The following TSPAN18 variants were observed in gnomAD, a reference collection of about 807,000 sequenced individuals.
TSPAN18 encodes tetraspanin 18, also known as tetraspanin-18.
In TSPAN18, 14 loss-of-function variants were observed where a neutral mutation model predicts 27.3. The observed-to-expected ratio is 0.51, with a 90% CI of 0.34 to 0.80. The LOEUF is 0.80. TSPAN18 is among the 30% of genes least tolerant of loss of function. The pLI is 0.01. For synonymous variants in TSPAN18, 143 were observed against 136.5 expected (o/e 1.05, Z -0.33); for missense variants, 268 against 323.9 (o/e 0.83, Z 1.32).
intron 2 of TSPAN18, among the ~76,000 whole-genome samples, chr11:44,824,300 T>C (rs1279489255): frequency 3.3e-5 from 5 of 152,202 alleles, no homozygotes; most frequent in African/African-American, 1.2e-4. Flanking sequence ...TCATTTGTCT[T>C]GTTAATTTTT....
chr11:44,755,573 C>A (rs1011036033), intron 1 of TSPAN18, among the ~76,000 whole-genome samples: 1 of 152,082 alleles, frequency 6.6e-6, no homozygotes, highest in African/African-American at 2.4e-5. Flanking sequence ...CCTGAGCATG[C>A]CTTGGCTCTC....
chr11:44,865,867 T>C (rs187271286), intron 3 of TSPAN18, among the ~76,000 whole-genome samples: 12 of 152,258 alleles, frequency 7.9e-5, no homozygotes, highest in Admixed American at 4.6e-4. Flanking sequence ...CCCAGCACTG[T>C]TTGCTCTGAG....
intron 2 of TSPAN18, among the ~76,000 whole-genome samples, chr11:44,796,593 C>T (rs1377508305): frequency 1.2e-4 from 18 of 152,128 alleles, no homozygotes. Flanking sequence ...CCCAGCATGT[C>T]AAAGTAGGGA....
At chr11:44,806,157 C>A (rs1856589931) in intron 2 of TSPAN18, among the ~76,000 whole-genome samples, 1 of 151,482 alleles carries the variant, frequency 6.6e-6, no homozygotes, top group South Asian at 2.1e-4. Context: ...GCCTCAGCCT[C>A]CCAAGTAGCT....
chr11:44,744,409 G>A lies in TSPAN18; in HGVS notation c.-240+17122G>A, dbSNP rs186381209. ...TTGGTTTCAGATGAATGAGGTTACC[G>A]TCATGTTTCTGGCCTTCCCAGTGGT... On this transcript the variant is annotated intron_variant, in intron 1 of 9. Transcript: ENST00000520358. 1.6e-3 allele frequency among the ~76,000 whole-genome samples: 246 copies of A among 152,314 alleles called. 2 individuals are homozygous for A. The highest frequency in any genetic ancestry group is 5.6e-3 in the African/African-American group (234 of 41,570).
At chr11:44,734,696 C>T (rs1854745532) in intron 1 of TSPAN18, among the ~76,000 whole-genome samples, 1 of 152,182 alleles carries the variant, frequency 6.6e-6, no homozygotes, top group Admixed American at 6.5e-5. Context: ...AATTTGGAGC[C>T]CTGGGTCTTG....
intron 2 of TSPAN18, among the ~76,000 whole-genome samples, chr11:44,797,937 G>A (rs931303188): frequency 2.0e-5 from 3 of 152,178 alleles, no homozygotes; most frequent in Non-Finnish European, 4.4e-5. Context: ...GAGTCAAGAC[G>A]CTTGTTGGGT....
At chr11:44,742,298 TCCC>T in intron 1 of TSPAN18, among the ~76,000 whole-genome samples, 2 of 62,916 alleles carry the variant, frequency 3.2e-5, no homozygotes, top group Non-Finnish European at 6.1e-5. Context: ...CTTCCCTCCC[TCCC>T]TCCCTCCCTT....
rs571572293 is a variant in TSPAN18 at position 44,930,895 on chromosome 11, G to A, written c.*1717G>A. ...AGCTCATTCTGTCTCACAAGCCACC[G>A]GCATCCTGTATCAGCTTCCAGCCTC... On this transcript the variant is annotated 3_prime_UTR_variant, in exon 10 of 10. Transcript: ENST00000520358. 15 of 525,570 alleles carry A rather than the reference G, an allele frequency of 2.9e-5. No individual in the cohort carries two copies. Among genetic ancestry groups the A allele is most frequent in the Middle Eastern group, 3.2e-4 (1 of 3,134 alleles). 32.6% of individuals were successfully genotyped at this position (525,570 alleles called of 1,614,324 possible).
intron 8 of TSPAN18, 73 bp from the exon 9 acceptor site, chr11:44,926,596 CCCTAG>C: frequency 7.6e-7 from 1 of 1,322,150 alleles, no homozygotes; most frequent in Non-Finnish European, 1.1e-6. Context: ...CTGCCATGAA[CCCTAG>C]TCCACATGCT....
At chr11:44,904,885 G>A (rs1355173233) in intron 3 of TSPAN18, among the ~76,000 whole-genome samples, 1 of 152,176 alleles carries the variant, frequency 6.6e-6, no homozygotes, top group Non-Finnish European at 1.5e-5. Flanking sequence ...CCTACAAGCT[G>A]TGTGGCCTTG....
chr11:44,898,146 T>C (rs1263847680), intron 3 of TSPAN18, among the ~76,000 whole-genome samples: 1 of 152,202 alleles, frequency 6.6e-6, no homozygotes. Context: ...TTATGAAACA[T>C]GCATTCTAAT....
intron 3 of TSPAN18, chr11:44,903,218 GCT>G (rs1403983605): frequency 1.4e-4 from 51 of 359,814 alleles, no homozygotes; most frequent in Non-Finnish European, 2.6e-4. Flanking sequence ...ATCAGGGAAG[GCT>G]TCCTGGCGGA....
At chr11:44,726,430 A>G (rs1178901212), upstream of TSPAN18, 3 of 152,152 alleles carry the variant, frequency 2.0e-5, no homozygotes, top group Admixed American at 6.5e-5. Flanking sequence ...TTTGCATCTG[A>G]CCTGGGGTCA....
intron 9 of TSPAN18, among the ~76,000 whole-genome samples, chr11:44,928,450 C>G (rs573684500): frequency 8.0e-4 from 122 of 152,322 alleles, no homozygotes; most frequent in African/African-American, 2.6e-3. Context: ...GCTGGTGGCT[C>G]TGTGACCTCA....
intron 3 of TSPAN18, among the ~76,000 whole-genome samples, chr11:44,879,534 GA>G (rs1392881581): frequency 1.3e-5 from 2 of 152,248 alleles, no homozygotes; most frequent in African/African-American, 4.8e-5. Context: ...GAGCCATGTG[GA>G]ATATCTGGGG....
chr11:44,867,389 CTTT>C (rs71038824), intron 3 of TSPAN18, among the ~76,000 whole-genome samples: 3 of 60,410 alleles, frequency 5.0e-5, no homozygotes, highest in African/African-American at 7.2e-5. Context: ...GTTTATGAAT[CTTT>C]TTTTTTTTTT....
intron 1 of TSPAN18, among the ~76,000 whole-genome samples, chr11:44,761,609 A>G (rs11827348): frequency 0.027 from 4,126 of 152,116 alleles, 155 homozygotes; most frequent in East Asian, 0.081. Context: ...CTGGAGCGCA[A>G]AACCTGGAAA....
intron 1 of TSPAN18, among the ~76,000 whole-genome samples, chr11:44,731,192 C>A (rs897410074): frequency 6.6e-6 from 1 of 152,178 alleles, no homozygotes; most frequent in Non-Finnish European, 1.5e-5. Context: ...GGTGTTCCAG[C>A]CCTGATACTG....
Sources: gnomAD v4.1 joint callset for allele counts (sites outside exome capture counted in the v4.1 genomes callset) on GRCh38, gnomAD v4.1.1 for gene constraint, MANE v1.5 for transcripts, NCBI Gene and HGNC (gene_info 2026-07-23, HGNC 2026-07-21) for gene names.